The following GAB3 variants were observed in gnomAD, a reference collection of about 807,000 sequenced individuals.
GAB3 encodes the protein GRB2 associated binding protein 3.
In GAB3, 12 loss-of-function variants were observed where a neutral mutation model predicts 40.4. That is an observed-to-expected ratio of 0.30 (90% CI 0.19 to 0.48). GAB3 has a LOEUF of 0.48. Among genes scored for constraint, GAB3 ranks in the 20% least tolerant of loss-of-function variants. The pLI, the probability that GAB3 is intolerant of heterozygous loss-of-function variation, is 0.99. For missense variants in GAB3, 381 were observed against 461.9 expected (o/e 0.82, Z 1.61); for synonymous variants, 154 against 176.7 (o/e 0.87, Z 1.02).
At position 154,716,040 on chromosome X, in the gene GAB3, A is replaced by G. The variant is rs782241017; in HGVS notation, c.362T>C (p.Leu121Pro). ...SISQVCNLGH[L>P]EDGAADSMES... ...TCCGCTCTTACCTGCACCATCCTCC[A>G]GGTGGCCAAGGTTGCAGACCTGACT... Residue 121 changes from leucine to proline, a missense_variant, in exon 2 of 10, where the codon CTG becomes CCG. Leu to Pro is a moderately conservative substitution (Grantham distance 98, BLOSUM62 -3). This residue lies in a region of GAB3 where 364 missense variants were observed against 421.0 expected (regional missense o/e 0.86). Coordinates refer to ENST00000424127, the MANE Select transcript of GAB3 (RefSeq NM_001081573.3). The G allele has an allele frequency of 8.3e-6, 10 of 1,208,784 alleles. No individual in the cohort carries two copies. In the East Asian group the frequency reaches 3.0e-4, roughly 36 times the overall value.
rs1265585491 is a variant in GAB3, at chrX:154,696,015, G to A, written c.1432C>T (p.Arg478Ter). 1 of 1,140,333 alleles carries A rather than the reference G, an allele frequency of 8.8e-7. No homozygotes were observed. The highest frequency in any genetic ancestry group is 1.2e-6 in the Non-Finnish European group (1 of 835,224). The allele number at this position is 1,140,333 out of a possible 1,213,427, so 94.0% of individuals were successfully genotyped here. A position where few individuals can be genotyped will look rare whatever the true frequency, so the allele number is the denominator to read the frequency against. The part of the protein sequence containing the change: ...LTRTRTVPCS[R>*]TSFLSPERNG... ...CTTTCTGGAGAGAGAAAGCTGGTTC[G>A]ACTGCTAAGAATAAAAATATAGATG... The change falls in exon 8 of 10, where the codon CGA (arginine) becomes TGA (stop). Residue 478 changes from arginine (R) to a stop codon, truncating the protein, a stop_gained. Transcript: ENST00000424127. LOFTEE classifies it high-confidence loss of function.
At chrX:154,713,714 C>T (rs1415027676) in intron 2 of GAB3, among the ~76,000 whole-genome samples, 1 of 78,835 alleles carries the variant, frequency 1.3e-5, no homozygotes, top group Non-Finnish European at 2.4e-5. Flanking sequence ...GCAGCCTTGC[C>T]TCATTGTTTT....
chrX:154,687,113 A>G (rs1440924602), intron 8 of GAB3, among the ~76,000 whole-genome samples: 1 of 110,321 alleles, frequency 9.1e-6, no homozygotes, highest in Non-Finnish European at 1.9e-5. Context: ...AATCACTTGA[A>G]CCCGAGAAGG....
chrX:154,689,185 T>C (rs2070510051), intron 8 of GAB3, among the ~76,000 whole-genome samples: 2 of 111,585 alleles, frequency 1.8e-5, no homozygotes, highest in Admixed American at 1.9e-4. Flanking sequence ...TCTCAATAGA[T>C]GCAGAAAAGG....
At chrX:154,705,434 T>C (rs1460160202) in intron 4 of GAB3, among the ~76,000 whole-genome samples, 2 of 111,646 alleles carry the variant, frequency 1.8e-5, no homozygotes, top group Admixed American at 9.5e-5. Flanking sequence ...GGGATTAATC[T>C]CAGAGATGCA....
At chrX:154,709,359 C>T (rs142516556) in intron 4 of GAB3, among the ~76,000 whole-genome samples, 8,204 of 103,989 alleles carry the variant, frequency 0.079, 921 homozygotes, top group African/African-American at 0.28. Context: ...CTTGCTCTGT[C>T]GCCCAGACTG....
intron 4 of GAB3, among the ~76,000 whole-genome samples, chrX:154,703,892 T>C (rs1313437070): frequency 8.9e-6 from 1 of 111,799 alleles, no homozygotes; most frequent in Non-Finnish European, 1.9e-5. Flanking sequence ...CTGCTGGGTA[T>C]ATACCCCAAA....
intron 6 of GAB3, among the ~76,000 whole-genome samples, chrX:154,697,739 C>T (rs1260061452): frequency 3.6e-5 from 4 of 112,129 alleles, no homozygotes; most frequent in African/African-American, 1.3e-4. Flanking sequence ...CTTGTACTTA[C>T]CCTTCACAGC....
At chrX:154,737,223 C>T (rs1036184300) in intron 1 of GAB3, among the ~76,000 whole-genome samples, 1 of 111,775 alleles carries the variant, frequency 8.9e-6, no homozygotes, top group Non-Finnish European at 1.9e-5. Context: ...TTGCATCCAT[C>T]TTCCTTATCT....
chrX:154,709,465 C>T (rs1271568407), intron 4 of GAB3, among the ~76,000 whole-genome samples: 1 of 109,080 alleles, frequency 9.2e-6, no homozygotes, highest in Non-Finnish European at 1.9e-5. Flanking sequence ...GGACCACAGG[C>T]ACCCGCCACC....
chrX:154,693,914 C>T (rs1226921298), intron 8 of GAB3, among the ~76,000 whole-genome samples: 1 of 111,342 alleles, frequency 9.0e-6, no homozygotes, highest in African/African-American at 3.3e-5. Flanking sequence ...TCTAAATTTT[C>T]TATAATTTCA....
chrX:154,740,902 T>C (rs1000729784), intron 1 of GAB3, among the ~76,000 whole-genome samples: 1 of 112,118 alleles, frequency 8.9e-6, no homozygotes, highest in Non-Finnish European at 1.9e-5. Context: ...GTCCTGTGCA[T>C]TGCAGAACAT....
intron 9 of GAB3, 108 bp from the exon 10 acceptor site, chrX:154,678,402 G>A: frequency 2.0e-6 from 1 of 500,285 alleles, no homozygotes; most frequent in Non-Finnish European, 3.5e-6. Context: ...TTTCCTCTGT[G>A]TGGAAACTTT....
At chrX:154,686,631 T>C (rs111476601) in intron 8 of GAB3, among the ~76,000 whole-genome samples, 2,708 of 106,551 alleles carry the variant, frequency 0.025, 82 homozygotes, top group African/African-American at 0.087. Context: ...GGGTCTCACT[T>C]TGTTGCCCAG....
chrX:154,704,769 A>G (rs1158055392), intron 4 of GAB3, among the ~76,000 whole-genome samples: 4 of 111,706 alleles, frequency 3.6e-5, no homozygotes, highest in Admixed American at 2.8e-4. Context: ...AATAGTTACC[A>G]AAGAAATACA....
intron 1 of GAB3, among the ~76,000 whole-genome samples, chrX:154,744,212 CAAAAAAAAAAAAAAA>C (rs56796528): frequency 3.3e-5 from 1 of 30,572 alleles, no homozygotes; most frequent in African/African-American, 3.2e-4. Context: ...GATTCCATCT[CAAAAAAAAAAAAAAA>C]AAAAAAAAAA....
At position 154,681,333 on chromosome X, in the gene GAB3, C is replaced by T. The variant is rs186592847; in HGVS notation, c.1531-1085G>A. 5.9e-4 allele frequency among the ~76,000 whole-genome samples: 66 copies of T among 111,200 alleles called. 1 individual carries two copies. The East Asian group carries it at 7.8e-3, about 13-fold the overall frequency. On this transcript the variant is annotated intron_variant, in intron 8 of 9. Coordinates refer to ENST00000424127, the MANE Select transcript of GAB3 (RefSeq NM_001081573.3). ...TCTTACTGTGGTTTGATTTTCCATTCCCCTGATTATTAATTAGTATGAGCA... is the reference window on the plus strand; with the variant it reads ...TCTTACTGTGGTTTGATTTTCCATTTCCCTGATTATTAATTAGTATGAGCA...
At chrX:154,751,118 C>G (rs1190959402), upstream of GAB3, 1 of 733,378 alleles carries the variant, frequency 1.4e-6, no homozygotes, top group Non-Finnish European at 1.6e-6. Context: ...GCCCAGCGCC[C>G]GCCCGCCCAG....
At chrX:154,712,765 C>A in intron 3 of GAB3, 64 bp from the exon 4 acceptor site, 1 of 694,966 alleles carries the variant, frequency 1.4e-6, no homozygotes, top group East Asian at 3.6e-5. Context: ...AAAACCAACG[C>A]TGGCCTCATT....
Sources: allele counts gnomAD v4.1 joint callset (sites outside exome capture counted in the v4.1 genomes callset), GRCh38; gene constraint gnomAD v4.1.1; regional missense constraint gnomAD v4.1.1; transcripts MANE v1.5; gene names NCBI Gene and HGNC (gene_info 2026-07-23, HGNC 2026-07-21).